COL6A2: variants seen among roughly 807,000 people sequenced by gnomAD.
COL6A2 encodes the protein collagen alpha-2(VI) chain.
In COL6A2, 90 loss-of-function variants were observed where a neutral mutation model predicts 124.9. The ratio of observed to expected loss-of-function variants is 0.72; its 90% CI spans 0.61 to 0.86. The LOEUF (loss-of-function observed/expected upper bound fraction) is 0.86, where lower values mean the gene tolerates loss of function less well. COL6A2 is among the 40% of genes least tolerant of loss of function. The pLI is 0.00. For synonymous variants in COL6A2, 793 were observed against 618.2 expected (o/e 1.28, Z -4.19); for missense variants, 1,607 against 1,502.5 (o/e 1.07, Z -1.15).
intron 24 of COL6A2, 40 bp downstream of exon 24, chr21:46,125,351 G>A (rs757939793): frequency 3.2e-5 from 51 of 1,605,508 alleles, no homozygotes; most frequent in East Asian, 1.8e-4. Context: ...CCCATGCACC[G>A]GGTGGAGGGC....
rs13052956 is a variant in COL6A2 at position 46,125,909 on chromosome 21, G to C, written c.2094G>C (p.Ala698=). 6.2e-7 allele frequency: 1 copy of C among 1,612,722 alleles called. No homozygotes were observed. The highest frequency in any genetic ancestry group is 1.3e-5 in the African/African-American group (1 of 74,908). Residue 698 remains alanine (A), a synonymous_variant, in exon 26 of 28, where the codon GCG becomes GCC. Transcript: ENST00000300527. The part of the protein sequence containing the change: ...KEAVKNLEWI[A]GGTWTPSALK... ...CTGTCAAGAACCTCGAGTGGATTGCGGGCGGCACCTGGACACCCTCAGCCC... is the reference window on the plus strand; with the variant it reads ...CTGTCAAGAACCTCGAGTGGATTGCCGGCGGCACCTGGACACCCTCAGCCC...
At chr21:46,124,812 G>A in intron 22 of COL6A2, 73 bp from the exon 23 acceptor site, 2 of 1,602,176 alleles carry the variant, frequency 1.2e-6, no homozygotes, top group Non-Finnish European at 1.7e-6. Flanking sequence ...ACGTATCAGT[G>A]GGCAGTGGCC....
At position 46,112,253 on chromosome 21, in the gene COL6A2, C is replaced by T. The variant is rs544610322; in HGVS notation, c.390C>T (p.Arg130=). The T allele has an allele frequency of 2.2e-5, 35 of 1,612,834 alleles. No individual in the cohort carries two copies. The highest frequency in any genetic ancestry group is 4.5e-5 in the East Asian group (2 of 44,862). Residue 130 remains arginine (R), a synonymous_variant, in exon 3 of 28, where the codon CGC becomes CGT. Coordinates refer to ENST00000300527, the MANE Select transcript of COL6A2 (RefSeq NM_001849.4). ...KNLQGISSFR[R]GTFTDCALAN... The stretch of plus-strand genomic sequence containing the variant: ...TGCAGGGCATCAGCTCCTTCCGCCG[C>T]GGCACCTTCACCGACTGCGCGCTGG...
At chr21:46,125,413 C>G (rs750356599) in intron 24 of COL6A2, 52 bp from the exon 25 acceptor site, 11 of 1,610,638 alleles carry the variant, frequency 6.8e-6, no homozygotes, top group Non-Finnish European at 9.3e-6. Flanking sequence ...GCACGTGACC[C>G]TAGGGTCTGA....
chr21:46,127,931 GA>G (rs2078698646), intron 27 of COL6A2, among the ~76,000 whole-genome samples: 1 of 152,206 alleles, frequency 6.6e-6, no homozygotes, highest in Non-Finnish European at 1.5e-5. Flanking sequence ...GCGTGCCCGG[GA>G]TAAACCCACC....
At chr21:46,128,633 A>G (rs2123677381) in intron 27 of COL6A2, among the ~76,000 whole-genome samples, 1 of 152,352 alleles carries the variant, frequency 6.6e-6, no homozygotes, top group South Asian at 2.1e-4. Context: ...CAGTCAGGGC[A>G]GGGCGCAATC....
intron 24 of COL6A2, 60 bp from the exon 25 acceptor site, chr21:46,125,405 A>C (rs1464861659): frequency 1.2e-6 from 2 of 1,608,296 alleles, no homozygotes; most frequent in Non-Finnish European, 1.7e-6. Flanking sequence ...CTGCATGTGC[A>C]CGTGACCCTA....
chr21:46,113,446 G>A (rs1044486259), intron 4 of COL6A2, among the ~76,000 whole-genome samples: 2 of 151,574 alleles, frequency 1.3e-5, no homozygotes, highest in Non-Finnish European at 1.5e-5. Context: ...GTACGATCAC[G>A]GCTCACTGCA....
At chr21:46,122,736 C>T (rs1269086278) in intron 20 of COL6A2, 139 bp from the exon 21 acceptor site, 10 of 887,774 alleles carry the variant, frequency 1.1e-5, no homozygotes, top group African/African-American at 4.6e-5. Flanking sequence ...AAAGTTCAGG[C>T]TTTGCAAAAA....
chr21:46,104,989 G>T (rs1005275795), intron 1 of COL6A2, among the ~76,000 whole-genome samples: 2 of 152,216 alleles, frequency 1.3e-5, no homozygotes, highest in Non-Finnish European at 2.9e-5. Flanking sequence ...CAAAAGCTGA[G>T]AATGTTCCTT....
intron 27 of COL6A2, among the ~76,000 whole-genome samples, chr21:46,127,656 G>C (rs977049336): frequency 6.6e-6 from 1 of 152,126 alleles, no homozygotes; most frequent in African/African-American, 2.4e-5. Context: ...GTTCCTGATG[G>C]GGCAGGGAAG....
intron 15 of COL6A2, among the ~76,000 whole-genome samples, chr21:46,120,160 GGCATT>G (rs2078541141): frequency 2.7e-5 from 2 of 74,682 alleles, no homozygotes; most frequent in African/African-American, 7.3e-5. Flanking sequence ...AGCCCACTGA[GGCATT>G]GCTCACCCAC....
At chr21:46,129,427 A>C (rs1312940041) in intron 27 of COL6A2, 1 of 1,611,904 alleles carries the variant, frequency 6.2e-7, no homozygotes, top group Non-Finnish European at 8.5e-7. Flanking sequence ...CTGTTCATTG[A>C]CACCTTTAAG....
intron 27 of COL6A2, among the ~76,000 whole-genome samples, chr21:46,128,311 C>T (rs1422061481): frequency 2.0e-5 from 3 of 152,254 alleles, no homozygotes. Flanking sequence ...CCTGACACCT[C>T]ATCCCCGACA....
rs759838639 is a variant in COL6A2, at chr21:46,116,666, G to A, written c.943G>A (p.Asp315Asn). ...FKGEKGEFGA[D>N]GRKGAPGLAG... is the part of the protein sequence containing the mutation. Reference sequence around the variant, plus strand: ...TCCTACACAGGGTGAATTTGGAGCCGACGGTCGCAAGGTAGGCTGGCTGGG... The same window carrying A: ...TCCTACACAGGGTGAATTTGGAGCCAACGGTCGCAAGGTAGGCTGGCTGGG... Residue 315 changes from aspartate (D) to asparagine (N), a missense_variant, in exon 9 of 28, where the codon GAC becomes AAC. Asp to Asn is a conservative substitution (Grantham distance 23, BLOSUM62 1). Around this residue, in one of 3 missense-constraint regions of COL6A2, gnomAD observed 42 missense variants for 68.7 expected, o/e 0.61. Transcript: ENST00000300527. This position sits in a 1 kb window ranked among gnomAD's most constrained non-coding sequence, Gnocchi z 4.6. 1.2e-5 allele frequency: 19 copies of A among 1,612,924 alleles called. No individual in the cohort carries two copies. The highest frequency in any genetic ancestry group is 1.6e-4 in the Middle Eastern group (1 of 6,084).
chr21:46,120,566 A>G lies in COL6A2; in HGVS notation c.1384A>G (p.Lys462Glu). 1 of 1,466,692 alleles carries G rather than the reference A, an allele frequency of 6.8e-7. No homozygotes were observed. Among genetic ancestry groups the G allele is most frequent in the South Asian group, 1.4e-5 (1 of 70,850 alleles). The allele number at this position is 1,466,692 out of a possible 1,614,324, so 90.9% of individuals were successfully genotyped here. Residue 462 changes from lysine (K) to glutamate (E), a missense_variant, in exon 16 of 28, where the codon AAA becomes GAA. This residue lies in a region of COL6A2 where 1,223 missense variants were observed against 1,052.2 expected (regional missense o/e 1.16). Transcript: ENST00000300527. The stretch of plus-strand genomic sequence containing the variant: ...CGGCCTGGCTGGAGAGGTTGGCAAC[A>G]AAGGAGCCAAGGTAGGGGAGCAGGG... ...PRGLAGEVGN[K>E]GAKGDRGLPG... is the part of the protein sequence containing the mutation.
At chr21:46,114,424 CAAA>C (rs751941293) in intron 5 of COL6A2, among the ~76,000 whole-genome samples, 11 of 96,584 alleles carry the variant, frequency 1.1e-4, no homozygotes, top group African/African-American at 1.2e-4. Context: ...GACTCTGTCT[CAAA>C]AAAAAAAAAA....
At chr21:46,113,706 G>A (rs546687237) in intron 4 of COL6A2, 119 of 480,802 alleles carry the variant, frequency 2.5e-4, no homozygotes, top group African/African-American at 1.9e-3. Flanking sequence ...GATTCCAGGC[G>A]TGAGCTGCAC....
chr21:46,132,089 C>A lies in COL6A2; in HGVS notation c.2597C>A (p.Ala866Asp). The A allele has an allele frequency of 6.3e-6, 10 of 1,598,210 alleles. No individual in the cohort carries two copies. The highest frequency in any genetic ancestry group is 8.5e-6 in the Non-Finnish European group (10 of 1,175,090). ...CAGGTGGCGCGGCGGCTGACGCTGG[C>A]CCGGAGGGACGACGACCCTCTCAAC... ...VEQVARRLTL[A>D]RRDDDPLNAR... is the part of the protein sequence containing the mutation. Residue 866 changes from alanine (A) to aspartate (D), a missense_variant, in exon 28 of 28, where the codon GCC becomes GAC. This residue lies in a region of COL6A2 where 1,223 missense variants were observed against 1,052.2 expected (regional missense o/e 1.16). Transcript: ENST00000300527.
Sources: allele counts gnomAD v4.1 joint callset (sites outside exome capture counted in the v4.1 genomes callset), GRCh38; gene constraint gnomAD v4.1.1; regional missense constraint gnomAD v4.1.1; non-coding constraint Gnocchi (gnomAD v3.1); transcripts MANE v1.5; gene names NCBI Gene and HGNC (gene_info 2026-07-23, HGNC 2026-07-21).